GALNTL6: variants seen among roughly 807,000 people sequenced by gnomAD.
GALNTL6 encodes the protein polypeptide N-acetylgalactosaminyltransferase like 6.
Under a neutral mutation model 73.7 loss-of-function variants are expected in GALNTL6, and 46 were observed. That is an observed-to-expected ratio of 0.62 (90% CI 0.49 to 0.80). The LOEUF (loss-of-function observed/expected upper bound fraction) is 0.80. GALNTL6 is among the 30% of genes least tolerant of loss of function. The pLI is 0.00. For missense variants in GALNTL6, 604 were observed against 755.0 expected (o/e 0.80, Z 2.34); for synonymous variants, 259 against 263.7 (o/e 0.98, Z 0.17).
intron 5 of GALNTL6, among the ~76,000 whole-genome samples, chr4:172,801,517 C>T (rs539732691): frequency 6.6e-6 from 1 of 152,196 alleles, no homozygotes; most frequent in African/African-American, 2.4e-5. Context: ...GTATTGCCCA[C>T]ATAACTTTGA....
intron 2 of GALNTL6, among the ~76,000 whole-genome samples, chr4:172,040,162 A>G (rs1742042630): frequency 9.7e-6 from 1 of 103,606 alleles, no homozygotes; most frequent in Non-Finnish European, 2.4e-5. Flanking sequence ...TAAAATGGAG[A>G]CTAAAAATAG....
rs1244122405 is a variant in GALNTL6, at chr4:172,069,811, C to G, written c.139-159845C>G. 1.9e-5 allele frequency among the ~76,000 whole-genome samples: 2 copies of G among 104,754 alleles called. 1 individual carries two copies. The highest frequency in any genetic ancestry group is 4.3e-4 in the East Asian group (2 of 4,618). The allele number at this position is 104,754 out of a possible 152,430, so 68.7% of individuals were successfully genotyped here. On this transcript the variant is annotated intron_variant, in intron 2 of 12. Coordinates refer to ENST00000506823, the MANE Select transcript of GALNTL6 (RefSeq NM_001034845.3). ...AATGTACTCTATGGCAGGCACAGTT[C>G]TGGGTGCCAGAATCTGATATGGACA... is the stretch of plus-strand genomic sequence containing the variant.
At chr4:171,985,204 GA>G (rs200094695) in intron 2 of GALNTL6, among the ~76,000 whole-genome samples, 1,930 of 151,948 alleles carry the variant, frequency 0.013, 41 homozygotes, top group African/African-American at 0.045. Context: ...ATTTTATAAA[GA>G]AAAAAAAAGC....
At chr4:172,917,068 G>T (rs1407134157) in intron 8 of GALNTL6, among the ~76,000 whole-genome samples, 1 of 152,138 alleles carries the variant, frequency 6.6e-6, no homozygotes, top group Non-Finnish European at 1.5e-5. Flanking sequence ...CAATGGAATG[G>T]AACAGAGCCC....
intron 2 of GALNTL6, among the ~76,000 whole-genome samples, chr4:171,888,977 G>T (rs1736683680): frequency 6.6e-6 from 1 of 151,862 alleles, no homozygotes; most frequent in South Asian, 2.1e-4. Context: ...TCAAAACAAA[G>T]AATTTCCTTC....
intron 10 of GALNTL6, among the ~76,000 whole-genome samples, chr4:172,986,096 A>G (rs1395141568): frequency 6.6e-6 from 1 of 152,198 alleles, no homozygotes; most frequent in African/African-American, 2.4e-5. Flanking sequence ...GGCAGCTTGG[A>G]GGTTAGAAGC....
chr4:172,156,787 G>A (rs1310533764), intron 2 of GALNTL6, among the ~76,000 whole-genome samples: 1 of 151,564 alleles, frequency 6.6e-6, no homozygotes, highest in Non-Finnish European at 1.5e-5. Flanking sequence ...TGGGGTGCGG[G>A]GGAAGCCTCA....
In GALNTL6 at chr4:172,951,750, G is replaced by A. The variant is rs139855199; in HGVS notation, c.1150-287G>A. Among the ~76,000 whole-genome samples, 22 of 152,322 alleles carry A rather than the reference G, an allele frequency of 1.4e-4. No homozygotes were observed. In the East Asian group the frequency reaches 4.0e-3, roughly 28 times the overall value. ...ATAATCATGAAATAACAGAGGGAAT[G>A]AGAAAGCTGATGTAATAGTGAGCTG... is the stretch of plus-strand genomic sequence containing the variant. On this transcript the variant is annotated intron_variant, in intron 9 of 12. Transcript: ENST00000506823.
At chr4:172,600,256 T>TA (rs199779308) in intron 5 of GALNTL6, among the ~76,000 whole-genome samples, 3,388 of 150,968 alleles carry the variant, frequency 0.022, 52 homozygotes, top group Non-Finnish European at 0.037. Flanking sequence ...CTAGAAAACT[T>TA]AAAAAAAAAT....
intron 10 of GALNTL6, among the ~76,000 whole-genome samples, chr4:172,993,381 C>A (rs966043655): frequency 5.9e-5 from 9 of 152,222 alleles, no homozygotes; most frequent in African/African-American, 2.2e-4. Context: ...AACTGAGAAT[C>A]TCTCTTGTTT....
intron 8 of GALNTL6, among the ~76,000 whole-genome samples, chr4:172,919,163 A>G (rs1318073097): frequency 6.6e-6 from 1 of 152,184 alleles, no homozygotes; most frequent in African/African-American, 2.4e-5. Flanking sequence ...TTTGACTTGC[A>G]AGAAGACAGA....
chr4:172,945,130 A>T (rs1749102969), intron 9 of GALNTL6, among the ~76,000 whole-genome samples: 1 of 152,076 alleles, frequency 6.6e-6, no homozygotes, highest in Non-Finnish European at 1.5e-5. Context: ...ATGGATAAAG[A>T]TCAAAATACT....
intron 7 of GALNTL6, among the ~76,000 whole-genome samples, chr4:172,824,032 G>A (rs58422707): frequency 6.6e-6 from 1 of 152,128 alleles, no homozygotes; most frequent in Admixed American, 6.5e-5. Context: ...GCAGGGCTGG[G>A]AAGGGCCAGT....
intron 5 of GALNTL6, among the ~76,000 whole-genome samples, chr4:172,407,713 A>C (rs1409793410): frequency 6.6e-6 from 1 of 152,060 alleles, no homozygotes; most frequent in Non-Finnish European, 1.5e-5. Flanking sequence ...CTGAATGATT[A>C]CATTTGACTT....
At chr4:171,996,137 G>T (rs1205459504) in intron 2 of GALNTL6, among the ~76,000 whole-genome samples, 1 of 151,994 alleles carries the variant, frequency 6.6e-6, no homozygotes, top group African/African-American at 2.4e-5. Context: ...CATTAAGTGG[G>T]TGCTTCTCTG....
intron 8 of GALNTL6, among the ~76,000 whole-genome samples, chr4:172,888,699 C>T (rs780766193): frequency 6.6e-6 from 1 of 152,054 alleles, no homozygotes; most frequent in Non-Finnish European, 1.5e-5. Context: ...GTGGTACCTC[C>T]GGCTCTGTTC....
chr4:172,746,196 A>G (rs1379163980), intron 5 of GALNTL6, among the ~76,000 whole-genome samples: 1 of 152,088 alleles, frequency 6.6e-6, no homozygotes, highest in African/African-American at 2.4e-5. Context: ...AGGTTAGTCA[A>G]TTTCTATAAG....
chr4:171,905,895 T>A (rs1322138593), intron 2 of GALNTL6, among the ~76,000 whole-genome samples: 1 of 150,448 alleles, frequency 6.6e-6, no homozygotes, highest in Non-Finnish European at 1.5e-5. Context: ...GAATGACTAC[T>A]GGGTACATAA....
At chr4:171,924,692 A>G (rs1737920699) in intron 2 of GALNTL6, among the ~76,000 whole-genome samples, 1 of 152,132 alleles carries the variant, frequency 6.6e-6, no homozygotes, top group South Asian at 2.1e-4. Flanking sequence ...TGAGATTTGG[A>G]TCTCAAAAAG....
Sources: gnomAD v4.1 joint callset for allele counts (sites outside exome capture counted in the v4.1 genomes callset) on GRCh38, gnomAD v4.1.1 for gene constraint, MANE v1.5 for transcripts, NCBI Gene and HGNC (gene_info 2026-07-23, HGNC 2026-07-21) for gene names.